Variants in MTUS2 observed in about 807,000 individuals in gnomAD.
The protein encoded by MTUS2 is microtubule associated scaffold protein 2.
MTUS2 carries 40 observed loss-of-function variants against 114.1 expected under a neutral mutation model. The observed-to-expected ratio is 0.35, with a 90% CI of 0.27 to 0.46. The LOEUF (loss-of-function observed/expected upper bound fraction) is 0.46, where lower values mean the gene tolerates loss of function less well. Ranked by LOEUF, MTUS2 falls within the 20% of genes least tolerant of loss-of-function variation. MTUS2 has a pLI of 1.00. For synonymous variants in MTUS2, 688 were observed against 672.0 expected (o/e 1.02, Z -0.37); for missense variants, 1,679 against 1,705.4 (o/e 0.98, Z 0.27).
chr13:28,903,806 T>G (rs1879802446), intron 2 of MTUS2, among the ~76,000 whole-genome samples: 1 of 152,046 alleles, frequency 6.6e-6, no homozygotes, highest in African/African-American at 2.4e-5. Context: ...CAAATGGTAT[T>G]TCTAGTTCTA....
chr13:29,185,447 A>G (rs1023971423), intron 5 of MTUS2, among the ~76,000 whole-genome samples: 1 of 152,242 alleles, frequency 6.6e-6, no homozygotes, highest in Non-Finnish European at 1.5e-5. Flanking sequence ...CAAACTCCAC[A>G]TAGCATAAAC....
intron 9 of MTUS2, among the ~76,000 whole-genome samples, chr13:29,467,770 C>G (rs1879993963): frequency 6.6e-6 from 1 of 152,188 alleles, no homozygotes; most frequent in Admixed American, 6.5e-5. Flanking sequence ...TATTCGCACA[C>G]AGGATCAGTC....
At chr13:29,349,999 A>G (rs1158260036) in intron 7 of MTUS2, among the ~76,000 whole-genome samples, 1 of 152,124 alleles carries the variant, frequency 6.6e-6, no homozygotes, top group African/African-American at 2.4e-5. Context: ...CACATTTATT[A>G]GGCCTCTTCA....
rs770497798 is a variant in MTUS2 at position 29,034,092 on chromosome 13, A to G, written c.2413A>G (p.Thr805Ala). 5 of 1,614,022 alleles carry G rather than the reference A, an allele frequency of 3.1e-6. No individual in the cohort carries two copies. In the South Asian group the frequency reaches 5.5e-5, roughly 18 times the overall value. Residue 805 changes from threonine to alanine, a missense_variant, in exon 4 of 16, where the codon ACA (threonine) becomes GCA (alanine). Thr to Ala is a moderately conservative substitution (Grantham distance 58). Coordinates refer to ENST00000612955, the MANE Select transcript of MTUS2 (RefSeq NM_001033602.4). ...SAIHPPGPIT[T>A]ATSLYSSDPS... ...CATCCACCCACCAGGACCCATAACA[A>G]CAGCCACCAGTCTCTACAGTTCCGA...
chr13:29,014,712 G>A (rs1378188728), intron 2 of MTUS2, among the ~76,000 whole-genome samples: 1 of 152,228 alleles, frequency 6.6e-6, no homozygotes, highest in Admixed American at 6.5e-5. Context: ...CAAGGCAAAG[G>A]TGGCTAGAGC....
intron 2 of MTUS2, among the ~76,000 whole-genome samples, chr13:28,937,097 G>A (rs1881941649): frequency 6.6e-6 from 1 of 151,990 alleles, no homozygotes; most frequent in Non-Finnish European, 1.5e-5. Flanking sequence ...AAGGAGGAGG[G>A]TGATTTTGAG....
chr13:29,255,459 C>A (rs1897259415), intron 5 of MTUS2, among the ~76,000 whole-genome samples: 1 of 152,130 alleles, frequency 6.6e-6, no homozygotes, highest in South Asian at 2.1e-4. Flanking sequence ...TCTACATTTC[C>A]TTTGGCTCAT....
At chr13:29,015,012 G>T (rs1266060442) in intron 2 of MTUS2, among the ~76,000 whole-genome samples, 2 of 152,216 alleles carry the variant, frequency 1.3e-5, no homozygotes, top group African/African-American at 4.8e-5. Context: ...CACTGTGCTA[G>T]GGGAAAGAAG....
chr13:29,158,358 C>CCCCCCTTT, intron 5 of MTUS2, among the ~76,000 whole-genome samples: 10 of 32,050 alleles, frequency 3.1e-4, no homozygotes, highest in South Asian at 1.2e-3. Context: ...GTCCACCCCG[C>CCCCCCTTT]TTTTTTTTTT....
intron 6 of MTUS2, among the ~76,000 whole-genome samples, chr13:29,309,294 G>C (rs1271920823): frequency 6.6e-6 from 1 of 152,170 alleles, no homozygotes; most frequent in African/African-American, 2.4e-5. Flanking sequence ...CACAGATGGA[G>C]TTGGAAGCCA....
rs1039012196 is a variant in MTUS2 at position 29,135,405 on chromosome 13, A to G, written c.2644+34435A>G. ...ATATTTTTCTATCCTTTCACTTTCAACCTATTTGTGTCCTTGGATTTAAAG... is the reference window on the plus strand; with the variant it reads ...ATATTTTTCTATCCTTTCACTTTCAGCCTATTTGTGTCCTTGGATTTAAAG... On this transcript the variant is annotated intron_variant, in intron 5 of 15. Coordinates refer to ENST00000612955, the MANE Select transcript of MTUS2 (RefSeq NM_001033602.4). 3.9e-5 allele frequency among the ~76,000 whole-genome samples: 6 copies of G among 151,952 alleles called. No homozygotes were observed. The East Asian group carries it at 5.8e-4, about 15-fold the overall frequency.
chr13:29,088,668 G>A (rs1889805443), intron 4 of MTUS2, among the ~76,000 whole-genome samples: 1 of 152,164 alleles, frequency 6.6e-6, no homozygotes, highest in Admixed American at 6.5e-5. Flanking sequence ...ATTCAGCATA[G>A]TTAAATCATC....
At chr13:29,194,389 A>C (rs1028991732) in intron 5 of MTUS2, among the ~76,000 whole-genome samples, 3 of 150,388 alleles carry the variant, frequency 2.0e-5, no homozygotes, top group African/African-American at 7.3e-5. Flanking sequence ...AACTCAAACA[A>C]ATTTACAAGA....
chr13:28,958,859 C>A (rs1321732781), intron 2 of MTUS2, among the ~76,000 whole-genome samples: 1 of 152,154 alleles, frequency 6.6e-6, no homozygotes, highest in Admixed American at 6.5e-5. Flanking sequence ...AAGGATAAGG[C>A]AATGCATAAT....
chr13:28,985,475 CTGTT>C (rs1490454040), intron 2 of MTUS2, among the ~76,000 whole-genome samples: 1 of 151,272 alleles, frequency 6.6e-6, no homozygotes, highest in Non-Finnish European at 1.5e-5. Flanking sequence ...GTAGCATTGT[CTGTT>C]GTCATTCCAG....
chr13:29,400,792 T>C (rs562636323), intron 8 of MTUS2, among the ~76,000 whole-genome samples: 1 of 152,322 alleles, frequency 6.6e-6, no homozygotes, highest in African/African-American at 2.4e-5. Context: ...CCCCTAATCA[T>C]TAGAACCTGT....
chr13:29,014,579 A>G (rs1248308016), intron 2 of MTUS2, among the ~76,000 whole-genome samples: 1 of 152,252 alleles, frequency 6.6e-6, no homozygotes, highest in Non-Finnish European at 1.5e-5. Flanking sequence ...AGGCTGGGAA[A>G]GAAATGACAA....
intron 2 of MTUS2, among the ~76,000 whole-genome samples, chr13:28,893,649 G>A (rs1162768888): frequency 6.6e-6 from 1 of 152,206 alleles, no homozygotes; most frequent in Non-Finnish European, 1.5e-5. Context: ...ATCCCATGAA[G>A]ATACTGTGCT....
At chr13:29,098,487 C>G (rs1393842512) in intron 4 of MTUS2, among the ~76,000 whole-genome samples, 1 of 151,890 alleles carries the variant, frequency 6.6e-6, no homozygotes, top group Non-Finnish European at 1.5e-5. Context: ...CATGCACACA[C>G]ACACAAACAC....
Sources: gnomAD v4.1 joint callset for allele counts (sites outside exome capture counted in the v4.1 genomes callset) on GRCh38, gnomAD v4.1.1 for gene constraint, MANE v1.5 for transcripts, NCBI Gene and HGNC (gene_info 2026-07-23, HGNC 2026-07-21) for gene names.